ARHGAP6: variants seen among roughly 807,000 people sequenced by gnomAD.
The protein encoded by ARHGAP6 is rho GTPase-activating protein 6.
A neutral mutation model predicts 55.7 loss-of-function variants in ARHGAP6; 16 were observed. The observed-to-expected ratio is 0.29, with a 90% CI of 0.19 to 0.44. The LOEUF is 0.44. ARHGAP6 is among the 20% of genes least tolerant of loss of function. ARHGAP6 has a pLI of 1.00. For missense variants in ARHGAP6, 698 were observed against 808.9 expected, an observed-to-expected ratio of 0.86 and a Z score of 1.66; for synonymous variants, 382 against 360.9, an observed-to-expected ratio of 1.06 and a Z score of -0.66.
chrX:11,231,193 C>T (rs935870707), intron 2 of ARHGAP6, among the ~76,000 whole-genome samples: 8 of 112,140 alleles, frequency 7.1e-5, no homozygotes, highest in African/African-American at 2.6e-4. Flanking sequence ...CATACATATG[C>T]TTGAAAAATT....
intron 2 of ARHGAP6, among the ~76,000 whole-genome samples, chrX:11,202,727 G>A (rs2046647400): frequency 1.1e-5 from 1 of 94,566 alleles, no homozygotes; most frequent in Non-Finnish European, 2.0e-5. Context: ...AGAATCACAG[G>A]AAGCAGAGGT....
intron 1 of ARHGAP6, among the ~76,000 whole-genome samples, chrX:11,595,163 G>A (rs982089296): frequency 2.7e-5 from 3 of 110,608 alleles, no homozygotes; most frequent in African/African-American, 6.6e-5. Context: ...GGTGGCGTAC[G>A]CCTATAATCC....
intron 1 of ARHGAP6, among the ~76,000 whole-genome samples, chrX:11,311,518 C>A (rs961201154): frequency 8.9e-6 from 1 of 111,984 alleles, no homozygotes; most frequent in African/African-American, 3.3e-5. Flanking sequence ...TTAGCTACAA[C>A]ACATGGTTTC....
chrX:11,275,813 C>T (rs1437614504), intron 1 of ARHGAP6, among the ~76,000 whole-genome samples: 2 of 111,528 alleles, frequency 1.8e-5, no homozygotes, highest in Non-Finnish European at 3.8e-5. Flanking sequence ...GGGGTGCTCT[C>T]AGCCCAAATG....
chrX:11,349,362 C>T (rs1419824387), intron 1 of ARHGAP6, among the ~76,000 whole-genome samples: 1 of 111,227 alleles, frequency 9.0e-6, no homozygotes, highest in African/African-American at 3.3e-5. Context: ...TTATCACCAT[C>T]TCACTTACCT....
intron 1 of ARHGAP6, among the ~76,000 whole-genome samples, chrX:11,542,349 C>T (rs1480105670): frequency 9.0e-6 from 1 of 110,591 alleles, no homozygotes; most frequent in East Asian, 2.8e-4. Context: ...TGGTGGGTGC[C>T]TGTAATCCCA....
chrX:11,216,859 C>T (rs1426097942), intron 2 of ARHGAP6, among the ~76,000 whole-genome samples: 1 of 110,684 alleles, frequency 9.0e-6, no homozygotes, highest in East Asian at 2.8e-4. Context: ...AATGCTATCC[C>T]TCCCCTAGCC....
At chrX:11,447,165 TA>T (rs1447305959) in intron 1 of ARHGAP6, among the ~76,000 whole-genome samples, 4 of 111,402 alleles carry the variant, frequency 3.6e-5, no homozygotes, top group Non-Finnish European at 7.5e-5. Flanking sequence ...TTCAAGGGAG[TA>T]AGTTAAGATG....
At chrX:11,185,306 G>T (rs1168245084) in intron 5 of ARHGAP6, among the ~76,000 whole-genome samples, 2 of 111,543 alleles carry the variant, frequency 1.8e-5, no homozygotes, top group Non-Finnish European at 3.8e-5. Context: ...ATAAGATTTT[G>T]CTACATTAGT....
intron 1 of ARHGAP6, chrX:11,298,226 T>C (rs1449113220): frequency 1.7e-6 from 2 of 1,209,859 alleles, no homozygotes; most frequent in African/African-American, 3.5e-5. Context: ...TAATATCTTT[T>C]TCTCTTAAGG....
chrX:11,220,160 G>C (rs1228432102), intron 2 of ARHGAP6, among the ~76,000 whole-genome samples: 1 of 109,593 alleles, frequency 9.1e-6, no homozygotes, highest in Non-Finnish European at 1.9e-5. Flanking sequence ...TTTCCCCATT[G>C]CTTGTTTTTC....
chrX:11,350,877 A>G (rs12156672), intron 1 of ARHGAP6, among the ~76,000 whole-genome samples: 2,296 of 110,905 alleles, frequency 0.021, 33 homozygotes, highest in Middle Eastern at 0.065. Context: ...CTCCCGGGGG[A>G]AAAAAATCTG....
At chrX:11,641,739 G>T (rs2147187522) in intron 1 of ARHGAP6, among the ~76,000 whole-genome samples, 1 of 111,655 alleles carries the variant, frequency 9.0e-6, no homozygotes, top group East Asian at 2.8e-4. Flanking sequence ...AGATGCAGTA[G>T]AAGGAAAAAA....
In ARHGAP6 at chrX:11,586,661, T is replaced by A. The variant is rs147939930; in HGVS notation, c.588+77580A>T. On this transcript the variant is annotated intron_variant, in intron 1 of 12. Transcript: ENST00000337414. The stretch of plus-strand genomic sequence containing the variant: ...GATTTTCTTGGCTATTCAGGCTTTT[T>A]TTCAGCTCCATATGAATGTTAAAAC... Among the ~76,000 whole-genome samples the A allele has an allele frequency of 5.3e-3, 598 of 112,237 alleles. 1 individual carries two copies. The highest frequency in any genetic ancestry group is 0.014 in the Middle Eastern group (3 of 216).
intron 1 of ARHGAP6, among the ~76,000 whole-genome samples, chrX:11,612,180 G>A (rs940582545): frequency 9.0e-6 from 1 of 111,465 alleles, no homozygotes; most frequent in Non-Finnish European, 1.9e-5. Flanking sequence ...ATAATTCCAC[G>A]TGTCTGTTTG....
intron 1 of ARHGAP6, among the ~76,000 whole-genome samples, chrX:11,287,073 T>C (rs943292559): frequency 1.8e-5 from 2 of 110,564 alleles, no homozygotes; most frequent in African/African-American, 6.8e-5. Flanking sequence ...TTATAGCATA[T>C]AATTATGTAT....
chrX:11,578,728 C>T (rs765799688), intron 1 of ARHGAP6, among the ~76,000 whole-genome samples: 8 of 111,516 alleles, frequency 7.2e-5, no homozygotes, highest in East Asian at 2.8e-4. Context: ...GACATTTGCA[C>T]ACGTATGTTT....
chrX:11,581,565 C>T (rs1201108759), intron 1 of ARHGAP6, among the ~76,000 whole-genome samples: 1 of 111,473 alleles, frequency 9.0e-6, no homozygotes, highest in African/African-American at 3.3e-5. Context: ...CTATCCATAC[C>T]CTGGAAGATT....
intron 1 of ARHGAP6, among the ~76,000 whole-genome samples, chrX:11,577,721 G>T: frequency 9.0e-6 from 1 of 111,482 alleles, no homozygotes; most frequent in East Asian, 2.8e-4. Context: ...GGTTGGGGAG[G>T]GGGAATTACC....
Sources: allele counts gnomAD v4.1 joint callset (sites outside exome capture counted in the v4.1 genomes callset), GRCh38; gene constraint gnomAD v4.1.1; transcripts MANE v1.5; gene names NCBI Gene and HGNC (gene_info 2026-07-23, HGNC 2026-07-21).